The following PRKN variants were observed in gnomAD, a reference collection of about 807,000 sequenced individuals.
The protein encoded by PRKN is parkin RBR E3 ubiquitin protein ligase, also known as E3 ubiquitin-protein ligase parkin.
PRKN carries 56 observed loss-of-function variants against 59.5 expected under a neutral mutation model. That is an observed-to-expected ratio of 0.94 (90% CI 0.76 to 1.18). The LOEUF is 1.18. Among genes scored for constraint, PRKN ranks in the 50% most tolerant of loss-of-function variants. The pLI is 0.00. For missense variants in PRKN, 657 were observed against 596.4 expected (o/e 1.10, Z -1.06); for synonymous variants, 250 against 222.1 (o/e 1.13, Z -1.12).
chr6:161,710,190 C>T (rs1786678866), intron 7 of PRKN, among the ~76,000 whole-genome samples: 1 of 151,680 alleles, frequency 6.6e-6, no homozygotes, highest in Admixed American at 6.6e-5. Context: ...ATTCCTTCAT[C>T]CTTAAAAAAA....
chr6:161,617,523 T>C (rs1022036455), intron 7 of PRKN, among the ~76,000 whole-genome samples: 15 of 152,254 alleles, frequency 9.9e-5, no homozygotes, highest in South Asian at 4.1e-4. Context: ...AACAGACTCA[T>C]TGAGGTTTTA....
intron 2 of PRKN, among the ~76,000 whole-genome samples, chr6:162,276,723 G>A (rs562735203): frequency 1.3e-5 from 2 of 151,888 alleles, no homozygotes; most frequent in African/African-American, 4.8e-5. Context: ...GTGTGTGTGT[G>A]TGTGTATTTA....
At position 161,582,712 on chromosome 6, in the gene PRKN, A is replaced by C. The variant is rs1781386191; in HGVS notation, c.872-13296T>G. Among the ~76,000 whole-genome samples, 2 of 152,010 alleles carry C rather than the reference A, an allele frequency of 1.3e-5. No homozygotes were observed. The highest frequency in any genetic ancestry group is 1.5e-5 in the Non-Finnish European group (1 of 67,990). On this transcript the variant is annotated intron_variant, in intron 7 of 11. Transcript: ENST00000366898. This position sits in a 1 kb window ranked among gnomAD's most constrained non-coding sequence, Gnocchi z 4.4. ...AAAGTTCTGGGATTACAGGTGTGAGACACTGCGCCTGGCCTGCAGACTATT... is the reference window on the plus strand; with the variant it reads ...AAAGTTCTGGGATTACAGGTGTGAGCCACTGCGCCTGGCCTGCAGACTATT...
intron 5 of PRKN, among the ~76,000 whole-genome samples, chr6:162,024,161 G>GC (rs1783323077): frequency 1.3e-5 from 2 of 148,220 alleles, no homozygotes; most frequent in South Asian, 4.3e-4. Flanking sequence ...TGTCAGGTAC[G>GC]AGTCCCTCCC....
intron 1 of PRKN, among the ~76,000 whole-genome samples, chr6:162,621,982 T>C (rs920948870): frequency 6.6e-6 from 1 of 152,164 alleles, no homozygotes. Flanking sequence ...GCCTAGCTAA[T>C]TGTATTTTTT....
intron 3 of PRKN, among the ~76,000 whole-genome samples, chr6:162,252,694 G>C (rs752873209): frequency 3.9e-5 from 6 of 152,222 alleles, no homozygotes; most frequent in Non-Finnish European, 8.8e-5. Context: ...GCTGACATCA[G>C]CTTTAAAGGT....
rs1157820988 is a variant in PRKN, at chr6:161,352,547, T to C, written c.1286-2336A>G. 6.6e-6 allele frequency among the ~76,000 whole-genome samples: 1 copy of C among 151,540 alleles called. No individual in the cohort carries two copies. The highest frequency in any genetic ancestry group is 1.5e-5 in the Non-Finnish European group (1 of 67,906). On this transcript the variant is annotated intron_variant, in intron 11 of 11. Coordinates refer to ENST00000366898, the MANE Select transcript of PRKN (RefSeq NM_004562.3). This position sits in a 1 kb window ranked among gnomAD's most constrained non-coding sequence, Gnocchi z 5.8. ...TCTCTAAAATATCATAAATATTTTA[T>C]CATATCATAAATATATCATTATTAT...
intron 7 of PRKN, among the ~76,000 whole-genome samples, chr6:161,614,117 T>C (rs1016247307): frequency 1.3e-5 from 2 of 152,196 alleles, no homozygotes; most frequent in African/African-American, 2.4e-5. Flanking sequence ...TTCCCCTCCA[T>C]CTCTATGCAT....
At chr6:161,901,684 T>C (rs984262333) in intron 6 of PRKN, among the ~76,000 whole-genome samples, 5 of 152,194 alleles carry the variant, frequency 3.3e-5, no homozygotes, top group Non-Finnish European at 7.3e-5. Flanking sequence ...AAAATGTAGA[T>C]ATTTGCCTTA....
chr6:162,554,573 T>C (rs1166081804), intron 1 of PRKN, among the ~76,000 whole-genome samples: 3 of 146,662 alleles, frequency 2.0e-5, no homozygotes, highest in Non-Finnish European at 4.5e-5. Flanking sequence ...ACAGGACAGA[T>C]AAACATCCTC....
intron 2 of PRKN, among the ~76,000 whole-genome samples, chr6:162,393,348 C>T (rs185931834): frequency 1.3e-3 from 202 of 151,610 alleles, no homozygotes; most frequent in Non-Finnish European, 2.1e-3. Context: ...TTAGTAGAGA[C>T]GGGGTTTCAC....
At chr6:162,085,000 C>T (rs1371840796) in intron 4 of PRKN, among the ~76,000 whole-genome samples, 1 of 151,210 alleles carries the variant, frequency 6.6e-6, no homozygotes, top group African/African-American at 2.4e-5. Flanking sequence ...CATGTTATTC[C>T]ATTATCACTC....
rs1777884706 is a variant in PRKN, at chr6:162,056,785, A to T, written c.535-2611T>A. ...GCTGGAATTTTGATAAGCCCCAGGC[A>T]GAGGTGTCTGCATGACCAGTTCCCA... On this transcript the variant is annotated intron_variant, in intron 4 of 11. Transcript: ENST00000366898. The surrounding 1 kb of genome is among the most constrained non-coding windows in gnomAD (Gnocchi z 4.9). Among the ~76,000 whole-genome samples, 1 of 152,174 alleles carries T rather than the reference A, an allele frequency of 6.6e-6. No homozygotes were observed. The highest frequency in any genetic ancestry group is 2.4e-5 in the African/African-American group (1 of 41,444).
intron 3 of PRKN, among the ~76,000 whole-genome samples, chr6:162,230,324 A>G (rs1479341773): frequency 6.6e-6 from 1 of 152,234 alleles, no homozygotes; most frequent in East Asian, 1.9e-4. Context: ...AGCAGGATGT[A>G]GCTGGCTGCA....
chr6:162,351,109 G>C (rs1784606385), intron 2 of PRKN, among the ~76,000 whole-genome samples: 1 of 152,122 alleles, frequency 6.6e-6, no homozygotes, highest in African/African-American at 2.4e-5. Flanking sequence ...AGGATCACTT[G>C]AGCCTAAGGA....
At chr6:162,502,173 C>T (rs61172080) in intron 1 of PRKN, among the ~76,000 whole-genome samples, 24,447 of 152,000 alleles carry the variant, frequency 0.16, 2,132 homozygotes, top group Non-Finnish European at 0.18. Flanking sequence ...CCACGCCCCT[C>T]TTTTTTGAGA....
intron 1 of PRKN, among the ~76,000 whole-genome samples, chr6:162,469,515 C>CACAA (rs1360917935): frequency 1.4e-5 from 2 of 143,338 alleles, no homozygotes; most frequent in African/African-American, 5.1e-5. Context: ...TGTATACACA[C>CACAA]ACACACACAC....
At chr6:161,940,306 A>G (rs116545030) in intron 6 of PRKN, among the ~76,000 whole-genome samples, 1,523 of 152,286 alleles carry the variant, frequency 0.01, 30 homozygotes, top group African/African-American at 0.034. Flanking sequence ...AAGAAAAGAA[A>G]AAGAAAAAAG....
chr6:162,062,082 T>A (rs1778126944), intron 4 of PRKN, among the ~76,000 whole-genome samples: 1 of 152,158 alleles, frequency 6.6e-6, no homozygotes. Flanking sequence ...GTGAGATAAA[T>A]GAAAATATAT....
Sources: allele counts gnomAD v4.1 joint callset (sites outside exome capture counted in the v4.1 genomes callset), GRCh38; gene constraint gnomAD v4.1.1; non-coding constraint Gnocchi (gnomAD v3.1); transcripts MANE v1.5; gene names NCBI Gene and HGNC (gene_info 2026-07-23, HGNC 2026-07-21).